The following KIRREL3 variants were observed in gnomAD, a reference collection of about 807,000 sequenced individuals.
The protein encoded by KIRREL3 is kin of IRRE-like protein 3.
Under a neutral mutation model 89.7 loss-of-function variants are expected in KIRREL3, and 36 were observed. That is an observed-to-expected ratio of 0.40 (90% CI 0.31 to 0.53). KIRREL3 has a LOEUF of 0.53. KIRREL3 is among the 20% of genes least tolerant of loss of function. The pLI, the probability that KIRREL3 is intolerant of heterozygous loss-of-function variation, is 0.49. For missense variants in KIRREL3, 864 were observed against 1,056.6 expected, an observed-to-expected ratio of 0.82 and a Z score of 2.53; for synonymous variants, 445 against 441.4, an observed-to-expected ratio of 1.01 and a Z score of -0.10.
chr11:126,864,966 G>C (rs1196988324), intron 1 of KIRREL3, among the ~76,000 whole-genome samples: 3 of 152,050 alleles, frequency 2.0e-5, no homozygotes, highest in Non-Finnish European at 4.4e-5. Flanking sequence ...TGATTCCATG[G>C]CCGGATCAAA....
At chr11:126,465,469 T>C (rs1027689107) in intron 5 of KIRREL3, among the ~76,000 whole-genome samples, 2 of 152,172 alleles carry the variant, frequency 1.3e-5, no homozygotes, top group East Asian at 3.9e-4. Flanking sequence ...TGGGAACAGT[T>C]AGGGCCACAG....
At position 126,722,387 on chromosome 11, in the gene KIRREL3, T is replaced by G. The variant is rs117792169; in HGVS notation, c.56-159475A>C. On this transcript the variant is annotated intron_variant, in intron 1 of 16. Transcript: ENST00000525144. ...AAATTTGAAGCTCTTTCTCCAACAT[T>G]TCTTGTATGTATTTATTTATTCCTG... is the stretch of plus-strand genomic sequence containing the variant. 3.2e-3 allele frequency among the ~76,000 whole-genome samples: 481 copies of G among 152,382 alleles called. 3 individuals carry two copies. The highest frequency in any genetic ancestry group is 5.6e-3 in the Admixed American group (85 of 15,306).
In KIRREL3 at chr11:126,424,396, A is replaced by C; in HGVS notation, c.*184T>G. 10 of 467,596 alleles carry C rather than the reference A, an allele frequency of 2.1e-5. No individual in the cohort carries two copies. Among genetic ancestry groups the C allele is most frequent in the African/African-American group, 4.0e-5 (2 of 49,756 alleles). 29.0% of individuals were successfully genotyped at this position (467,596 alleles called of 1,614,324 possible). On this transcript the variant is annotated 3_prime_UTR_variant, in exon 17 of 17. Transcript: ENST00000525144. ...CCCCACCCGCCCACCTCTGGCACAC[A>C]GCACCTGGGGACCCAGATTTGTGCT...
At position 126,513,342 on chromosome 11, in the gene KIRREL3, C is replaced by T. The variant is rs4519108; in HGVS notation, c.433+7973G>A. ...GAGTGGGCACTTGGATAGGCAGTGT[C>T]GAGCTTCTGGGCCCCTCCAGAAATC... On this transcript the variant is annotated intron_variant, in intron 4 of 16. Transcript: ENST00000525144. This position sits in a 1 kb window ranked among gnomAD's most constrained non-coding sequence, Gnocchi z 5.9. 0.33 allele frequency among the ~76,000 whole-genome samples: 49,409 copies of T among 151,892 alleles called. 8,422 individuals are homozygous for T. The highest frequency in any genetic ancestry group is 0.39 in the Admixed American group (5,918 of 15,268).
In KIRREL3 at chr11:126,764,794, A is replaced by G. The variant is rs1015900075; in HGVS notation, c.56-201882T>C. Reference sequence around the variant, plus strand: ...CCTCCGGGGCCATATAAACGCGGCTATTTTCACAGTCCAACTTCAGAACTC... The same window carrying G: ...CCTCCGGGGCCATATAAACGCGGCTGTTTTCACAGTCCAACTTCAGAACTC... On this transcript the variant is annotated intron_variant, in intron 1 of 16. Transcript: ENST00000525144. This position sits in a 1 kb window ranked among gnomAD's most constrained non-coding sequence, Gnocchi z 4.2. Among the ~76,000 whole-genome samples the G allele has an allele frequency of 1.3e-5, 2 of 152,036 alleles. No individual in the cohort carries two copies. The highest frequency in any genetic ancestry group is 1.5e-5 in the Non-Finnish European group (1 of 68,012).
chr11:126,851,039 C>T (rs1228670323), intron 1 of KIRREL3, among the ~76,000 whole-genome samples: 1 of 152,240 alleles, frequency 6.6e-6, no homozygotes, highest in Non-Finnish European at 1.5e-5. Flanking sequence ...ACCTGGGTCT[C>T]ACTAGGCACT....
intron 1 of KIRREL3, among the ~76,000 whole-genome samples, chr11:126,901,396 A>C (rs1946365899): frequency 6.6e-6 from 1 of 152,160 alleles, no homozygotes; most frequent in Admixed American, 6.5e-5. Flanking sequence ...CTTGGGGAGC[A>C]GGGGGTTTCT....
intron 1 of KIRREL3, among the ~76,000 whole-genome samples, chr11:126,718,320 T>C (rs887603479): frequency 6.6e-6 from 1 of 152,150 alleles, no homozygotes; most frequent in South Asian, 2.1e-4. Context: ...AGCAGCTCTT[T>C]GAAGATCCTA....
Position 126,565,646 on chromosome 11 carries a change from A to C in KIRREL3, c.56-2734T>G, listed in dbSNP as rs146830553. 5.9e-5 allele frequency among the ~76,000 whole-genome samples: 9 copies of C among 152,238 alleles called. No homozygotes were observed. Among genetic ancestry groups the C allele is most frequent in the African/African-American group, 1.4e-4 (6 of 41,540 alleles). ...CAGGTTGGAGGATGAGTGAAGTGAG[A>C]ATTAGTTAATTGTCCATATATGAAA... is the stretch of plus-strand genomic sequence containing the variant. On this transcript the variant is annotated intron_variant, in intron 1 of 16. Transcript: ENST00000525144. The surrounding 1 kb of genome is among the most constrained non-coding windows in gnomAD (Gnocchi z 5.4).
rs533600674 is a variant in KIRREL3, at chr11:126,614,078, T to C, written c.56-51166A>G. 6.6e-6 allele frequency among the ~76,000 whole-genome samples: 1 copy of C among 152,224 alleles called. No individual in the cohort carries two copies. Among genetic ancestry groups the C allele is most frequent in the South Asian group, 2.1e-4 (1 of 4,810 alleles). ...AAAACTGAATAGAGTTCTCCCTTTG[T>C]GGGTGGCATTTTGACATCACATTTT... On this transcript the variant is annotated intron_variant, in intron 1 of 16. Coordinates refer to ENST00000525144, the MANE Select transcript of KIRREL3 (RefSeq NM_032531.4). The surrounding 1 kb of genome is among the most constrained non-coding windows in gnomAD (Gnocchi z 4.6).
intron 1 of KIRREL3, chr11:126,936,959 T>C (rs988030754): frequency 6.6e-6 from 1 of 152,226 alleles, no homozygotes; most frequent in Non-Finnish European, 1.5e-5. Context: ...ATTAAGGATG[T>C]CAGGAGGGTA....
chr11:126,921,404 T>TA (rs2134975375), intron 1 of KIRREL3, among the ~76,000 whole-genome samples: 1 of 104,396 alleles, frequency 9.6e-6, no homozygotes, highest in Admixed American at 8.9e-5. Flanking sequence ...TCTATCTATC[T>TA]ATCTATCTAT....
In KIRREL3 at chr11:126,811,832, C is replaced by T. The variant is rs936027042; in HGVS notation, c.55+188623G>A. Among the ~76,000 whole-genome samples the T allele has an allele frequency of 2.0e-5, 3 of 152,088 alleles. No individual in the cohort carries two copies. The highest frequency in any genetic ancestry group is 7.2e-5 in the African/African-American group (3 of 41,406). On this transcript the variant is annotated intron_variant, in intron 1 of 16. Transcript: ENST00000525144. The surrounding 1 kb of genome is among the most constrained non-coding windows in gnomAD (Gnocchi z 4.3). Reference sequence around the variant, plus strand: ...AAACTCCTGAACTCGGGTGATCCACCCGCCTTGGCCTCATAAAGTGCTGGG... The same window carrying T: ...AAACTCCTGAACTCGGGTGATCCACTCGCCTTGGCCTCATAAAGTGCTGGG...
chr11:126,508,763 C>A lies in KIRREL3; in HGVS notation c.433+12552G>T, dbSNP rs1958107045. Among the ~76,000 whole-genome samples, 1 of 152,146 alleles carries A rather than the reference C, an allele frequency of 6.6e-6. No individual in the cohort carries two copies. Among genetic ancestry groups the A allele is most frequent in the Non-Finnish European group, 1.5e-5 (1 of 68,026 alleles). ...TGACCTTGGGCAAGGTAATGAGCCT[C>A]TATGTCTCAGCTTCCTCGTCCGTAA... On this transcript the variant is annotated intron_variant, in intron 4 of 16. Transcript: ENST00000525144. This position sits in a 1 kb window ranked among gnomAD's most constrained non-coding sequence, Gnocchi z 4.9.
At chr11:126,662,905 T>C (rs1398242759) in intron 1 of KIRREL3, among the ~76,000 whole-genome samples, 1 of 140,444 alleles carries the variant, frequency 7.1e-6, no homozygotes, top group Non-Finnish European at 1.5e-5. Flanking sequence ...CAAAGTCCTT[T>C]CTTTTTTTTT....
Position 127,000,537 on chromosome 11 carries a change from G to A in KIRREL3, c.-28C>T, listed in dbSNP as rs750483816. On this transcript the variant is annotated 5_prime_UTR_variant, in exon 1 of 17. Transcript: ENST00000525144. This position sits in a 1 kb window ranked among gnomAD's most constrained non-coding sequence, Gnocchi z 7.1. ...CTTAGCGCAGCGAAGGAAAGCCGGCGGGGTAACTTGGCTGTGGTTAGTTTC... is the reference window on the plus strand; with the variant it reads ...CTTAGCGCAGCGAAGGAAAGCCGGCAGGGTAACTTGGCTGTGGTTAGTTTC... 6 of 1,589,032 alleles carry A rather than the reference G, an allele frequency of 3.8e-6. No homozygotes were observed. Among genetic ancestry groups the A allele is most frequent in the South Asian group, 2.3e-5 (2 of 86,804 alleles).
At chr11:126,518,246 C>G (rs1958477866) in intron 4 of KIRREL3, among the ~76,000 whole-genome samples, 1 of 152,244 alleles carries the variant, frequency 6.6e-6, no homozygotes, top group Non-Finnish European at 1.5e-5. Flanking sequence ...CAGGCCGAGT[C>G]CCCATGCCTT....
chr11:126,429,194 G>A lies in KIRREL3; in HGVS notation c.1791C>T (p.Thr597=), dbSNP rs74464311. The A allele has an allele frequency of 7.3e-4, 1,181 of 1,610,494 alleles. 18 individuals are homozygous for A. In the East Asian group the frequency reaches 0.021, roughly 29 times the overall value. The change falls in exon 15 of 17, where the codon ACC becomes ACT. Residue 597 remains threonine, a synonymous_variant. Transcript: ENST00000525144. This position sits in a 1 kb window ranked among gnomAD's most constrained non-coding sequence, Gnocchi z 5.2. ...GCATTCTTACCATCAGCTGCTTGAT[G>A]GTGGAGTGCTCCTCACCCTCCCGAC... ...ASGREGEEHS[T]IKQLMMDRGE...
chr11:126,510,913 C>G (rs1196045919), intron 4 of KIRREL3, among the ~76,000 whole-genome samples: 4 of 152,186 alleles, frequency 2.6e-5, no homozygotes, highest in African/African-American at 9.7e-5. Context: ...CTCCCATCTC[C>G]CATGGCCTGA....
Sources: gnomAD v4.1 joint callset for allele counts (sites outside exome capture counted in the v4.1 genomes callset) on GRCh38, gnomAD v4.1.1 for gene constraint, Gnocchi (gnomAD v3.1) non-coding constraint, MANE v1.5 for transcripts, NCBI Gene and HGNC (gene_info 2026-07-23, HGNC 2026-07-21) for gene names.